The following PIK3C2G variants were observed in gnomAD, a reference collection of about 807,000 sequenced individuals.
PIK3C2G encodes the protein phosphatidylinositol-4-phosphate 3-kinase catalytic subunit type 2 gamma, also known as phosphatidylinositol 3-kinase C2 domain-containing subunit gamma.
PIK3C2G carries 168 observed loss-of-function variants against 181.1 expected under a neutral mutation model. That is an observed-to-expected ratio of 0.93 (90% confidence interval 0.82 to 1.05). The LOEUF (loss-of-function observed/expected upper bound fraction) is 1.05. Ranked by LOEUF, PIK3C2G falls within the 50% of genes least tolerant of loss-of-function variation. The pLI is 0.00. For missense variants in PIK3C2G, 1,869 were observed against 1,732.8 expected (o/e 1.08, Z -1.40); for synonymous variants, 573 against 592.2 (o/e 0.97, Z 0.47).
intron 24 of PIK3C2G, among the ~76,000 whole-genome samples, chr12:18,510,027 G>A (rs1942105590): frequency 6.6e-6 from 1 of 152,068 alleles, no homozygotes; most frequent in African/African-American, 2.4e-5. Flanking sequence ...GGAGTGCAGT[G>A]GCACAATCAT....
At chr12:18,641,360 A>G (rs1248811315) in intron 32 of PIK3C2G, among the ~76,000 whole-genome samples, 1 of 152,110 alleles carries the variant, frequency 6.6e-6, no homozygotes, top group Non-Finnish European at 1.5e-5. Flanking sequence ...AGGGGCATCA[A>G]TAGACTCCTA....
chr12:18,257,851 AAG>A (rs1565525546), upstream of PIK3C2G, among the ~76,000 whole-genome samples: 1 of 48,894 alleles, frequency 2.0e-5, no homozygotes, highest in Non-Finnish European at 4.8e-5. Flanking sequence ...AAGAAAGAGA[AAG>A]AAAGAAAGAA....
At chr12:18,645,313 A>G (rs1025227512) in intron 32 of PIK3C2G, among the ~76,000 whole-genome samples, 2 of 151,924 alleles carry the variant, frequency 1.3e-5, no homozygotes, top group Admixed American at 1.3e-4. Flanking sequence ...TAACAACATC[A>G]TGGATGCACC....
At chr12:18,537,097 T>C (rs1207805938) in intron 24 of PIK3C2G, among the ~76,000 whole-genome samples, 1 of 152,090 alleles carries the variant, frequency 6.6e-6, no homozygotes, top group Non-Finnish European at 1.5e-5. Flanking sequence ...ATTGACGAAG[T>C]TGTAGCTTTC....
intron 4 of PIK3C2G, 140 bp downstream of exon 4, chr12:18,291,152 G>A (rs907788980): frequency 1.3e-5 from 7 of 555,880 alleles, no homozygotes; most frequent in African/African-American, 9.5e-5. Flanking sequence ...GAAAACATCA[G>A]GGATCCATTT....
chr12:18,313,562 C>T (rs1159469817), intron 5 of PIK3C2G, among the ~76,000 whole-genome samples: 1 of 152,018 alleles, frequency 6.6e-6, no homozygotes, highest in Non-Finnish European at 1.5e-5. Flanking sequence ...ATCAGTTAGA[C>T]CACCCAGAAG....
Position 18,382,378 on chromosome 12 carries a change from G to A in PIK3C2G, c.1995+498G>A, listed in dbSNP as rs12305898. Among the ~76,000 whole-genome samples the A allele has an allele frequency of 2.7e-3, 415 of 152,160 alleles. 1 individual carries two copies. Among genetic ancestry groups the A allele is most frequent in the African/African-American group, 9.2e-3 (383 of 41,520 alleles). ...AGTCTCTCTACTCTGTGTGATTAGT[G>A]ATCATAAAAGAAAGGTGGTAAATGA... is the stretch of plus-strand genomic sequence containing the variant. On this transcript the variant is annotated intron_variant, in intron 14 of 32. Transcript: ENST00000538779.
At chr12:18,593,046 C>G (rs1947168794) in intron 29 of PIK3C2G, among the ~76,000 whole-genome samples, 1 of 151,842 alleles carries the variant, frequency 6.6e-6, no homozygotes, top group African/African-American at 2.4e-5. Context: ...AGGTCTTTCT[C>G]CTTGGTTTGT....
chr12:18,416,296 C>T (rs939134864), intron 16 of PIK3C2G, among the ~76,000 whole-genome samples: 2 of 151,960 alleles, frequency 1.3e-5, no homozygotes, highest in African/African-American at 4.8e-5. Flanking sequence ...GCAAGCAAGC[C>T]GTATTTGTAA....
downstream of PIK3C2G, among the ~76,000 whole-genome samples, chr12:18,650,361 G>A (rs1426500022): frequency 9.3e-4 from 131 of 140,648 alleles, no homozygotes; most frequent in Middle Eastern, 0.011. Flanking sequence ...GTGTGTGTGT[G>A]TGTGTGTGTG....
rs752088371 is a variant in PIK3C2G, at chr12:18,562,704, A to G, written c.3592A>G (p.Lys1198Glu). 15 of 1,565,726 alleles carry G rather than the reference A, an allele frequency of 9.6e-6. No individual in the cohort carries two copies. In the South Asian group the frequency reaches 1.6e-4, roughly 17 times the overall value. Residue 1198 changes from lysine to glutamate, a missense_variant and splice_region_variant, in exon 27 of 33, where the codon AAA becomes GAA. Transcript: ENST00000538779. Reference protein sequence around the residue: ...DLEATSHFTKKIKESLECFPV... With the variant: ...DLEATSHFTKEIKESLECFPV... ...ATCTTTTCTTTTACATTTCTCTAGGAAAATAAAGGAAAGTCTGGAGTGTTT... is the reference window on the plus strand; with the variant it reads ...ATCTTTTCTTTTACATTTCTCTAGGGAAATAAAGGAAAGTCTGGAGTGTTT...
At chr12:18,610,748 T>C (rs969504435) in intron 31 of PIK3C2G, among the ~76,000 whole-genome samples, 1 of 152,056 alleles carries the variant, frequency 6.6e-6, no homozygotes, top group Admixed American at 6.6e-5. Flanking sequence ...GCTATATGCA[T>C]GTTGATGGAC....
intron 18 of PIK3C2G, among the ~76,000 whole-genome samples, chr12:18,460,055 G>T (rs1018320673): frequency 2.0e-5 from 3 of 152,110 alleles, no homozygotes; most frequent in Admixed American, 1.3e-4. Context: ...GTGAGCCATC[G>T]CACCCAGCCC....
At chr12:18,554,293 A>C (rs11044180) in intron 26 of PIK3C2G, among the ~76,000 whole-genome samples, 12,910 of 152,102 alleles carry the variant, frequency 0.085, 1,656 homozygotes, top group African/African-American at 0.28. Context: ...ATGTTCTTTA[A>C]CTTTAGTGTC....
intron 16 of PIK3C2G, among the ~76,000 whole-genome samples, chr12:18,403,097 C>A (rs965776374): frequency 1.3e-5 from 2 of 152,100 alleles, no homozygotes; most frequent in Non-Finnish European, 2.9e-5. Context: ...TATGAAATAT[C>A]TTGGCTATCC....
intron 26 of PIK3C2G, among the ~76,000 whole-genome samples, chr12:18,562,106 TC>T (rs1481304033): frequency 1.2e-4 from 19 of 152,140 alleles, no homozygotes; most frequent in Non-Finnish European, 2.9e-5. Context: ...TTTTAAAAAT[TC>T]CCCCAAATAA....
the PIK3C2G span, chr12:18,719,651 A>G: frequency 3.6e-3 from 5,480 of 1,535,118 alleles, 154 homozygotes; most frequent in African/African-American, 0.066. Flanking sequence ...ATAAAATAAA[A>G]TAAGTTAAAA....
intron 18 of PIK3C2G, among the ~76,000 whole-genome samples, chr12:18,487,246 G>A (rs1006338820): frequency 3.3e-5 from 5 of 151,730 alleles, no homozygotes; most frequent in African/African-American, 1.2e-4. Flanking sequence ...AATGACAAAG[G>A]AACAGGCCCT....
intron 24 of PIK3C2G, among the ~76,000 whole-genome samples, chr12:18,537,063 C>G (rs866445470): frequency 1.3e-5 from 2 of 151,808 alleles, no homozygotes; most frequent in African/African-American, 4.8e-5. Flanking sequence ...GCAATTAGAC[C>G]CCCCTGTCCC....
Sources: gnomAD v4.1 joint callset for allele counts (sites outside exome capture counted in the v4.1 genomes callset) on GRCh38, gnomAD v4.1.1 for gene constraint, MANE v1.5 for transcripts, NCBI Gene and HGNC (gene_info 2026-07-23, HGNC 2026-07-21) for gene names.